FCHSD2: variants seen among roughly 807,000 people sequenced by gnomAD.
FCHSD2 encodes the protein F-BAR and double SH3 domains protein 2.
FCHSD2 carries 38 observed loss-of-function variants against 108.1 expected under a neutral mutation model. That is an observed-to-expected ratio of 0.35 (90% confidence interval 0.27 to 0.46). The LOEUF is 0.46. Ranked by LOEUF, FCHSD2 falls within the 20% of genes least tolerant of loss-of-function variation. FCHSD2 has a pLI of 1.00. For synonymous variants in FCHSD2, 279 were observed against 314.7 expected (o/e 0.89, Z 1.20); for missense variants, 751 against 897.8 (o/e 0.84, Z 2.09).
chr11:73,015,456 A>G (rs1857950178), intron 4 of FCHSD2, among the ~76,000 whole-genome samples: 1 of 152,136 alleles, frequency 6.6e-6, no homozygotes, highest in East Asian at 1.9e-4. Flanking sequence ...AACATATACA[A>G]TCTTGTTTCA....
At chr11:73,068,121 C>T (rs558744636) in intron 3 of FCHSD2, among the ~76,000 whole-genome samples, 13 of 152,166 alleles carry the variant, frequency 8.5e-5, no homozygotes, top group African/African-American at 3.1e-4. Context: ...CCAGGTCCCT[C>T]GCACAACACA....
chr11:72,988,894 G>T, intron 6 of FCHSD2, 70 bp downstream of exon 6: 1 of 1,367,180 alleles, frequency 7.3e-7, no homozygotes, highest in South Asian at 1.4e-5. Flanking sequence ...ACTACTAATA[G>T]AGAACAAACT....
At chr11:72,865,398 G>C (rs1854698952) in intron 13 of FCHSD2, among the ~76,000 whole-genome samples, 1 of 152,132 alleles carries the variant, frequency 6.6e-6, no homozygotes, top group African/African-American at 2.4e-5. Flanking sequence ...TCTCTCAGTT[G>C]AAAGATGCAG....
chr11:72,972,476 G>C (rs1857025510), intron 8 of FCHSD2, among the ~76,000 whole-genome samples: 2 of 152,150 alleles, frequency 1.3e-5, no homozygotes, highest in African/African-American at 4.8e-5. Flanking sequence ...CAGGTATAGG[G>C]AGTGGGGAAA....
intron 3 of FCHSD2, among the ~76,000 whole-genome samples, chr11:73,024,214 T>C (rs1403377888): frequency 1.3e-5 from 2 of 152,126 alleles, no homozygotes; most frequent in Non-Finnish European, 2.9e-5. Context: ...ATGCAGACTG[T>C]GACAAATCCA....
intron 1 of FCHSD2, among the ~76,000 whole-genome samples, 179 bp downstream of exon 1, chr11:73,141,678 G>A (rs1861251973): frequency 6.6e-6 from 1 of 152,200 alleles, no homozygotes; most frequent in Non-Finnish European, 1.5e-5. Flanking sequence ...CGGCCCCTCT[G>A]TCGGAAAGGC....
At chr11:73,081,313 A>C (rs1383979117) in intron 3 of FCHSD2, among the ~76,000 whole-genome samples, 1 of 152,102 alleles carries the variant, frequency 6.6e-6, no homozygotes, top group Non-Finnish European at 1.5e-5. Flanking sequence ...ACGCACCTGT[A>C]GTCCCAGCTA....
Position 72,888,668 on chromosome 11 carries a change from G to C in FCHSD2, c.1042-1094C>G, listed in dbSNP as rs1358050825. Among the ~76,000 whole-genome samples the C allele has an allele frequency of 2.7e-5, 4 of 150,774 alleles. No homozygotes were observed. In the East Asian group the frequency reaches 7.8e-4, roughly 29 times the overall value. ...GGGTCTTTCTCTGTCACCCAGTCTG[G>C]AGTTCAGAGGCATGATCTTACCTCA... On this transcript the variant is annotated intron_variant, in intron 11 of 19. Transcript: ENST00000409418.
At chr11:73,058,371 T>C (rs887320241) in intron 3 of FCHSD2, among the ~76,000 whole-genome samples, 1 of 152,130 alleles carries the variant, frequency 6.6e-6, no homozygotes, top group African/African-American at 2.4e-5. Flanking sequence ...TGTAACATAC[T>C]CAGTGTGACA....
chr11:73,057,767 C>G (rs1276879445), intron 3 of FCHSD2, among the ~76,000 whole-genome samples: 1 of 152,114 alleles, frequency 6.6e-6, no homozygotes, highest in Non-Finnish European at 1.5e-5. Context: ...TCAGAGCTTC[C>G]CAAACAATGT....
chr11:72,851,462 C>T (rs1050372243), intron 13 of FCHSD2, among the ~76,000 whole-genome samples: 8 of 151,982 alleles, frequency 5.3e-5, no homozygotes, highest in South Asian at 2.1e-4. Context: ...GGTTGCCGGC[C>T]GGGTGAGGTG....
intron 8 of FCHSD2, among the ~76,000 whole-genome samples, chr11:72,943,861 A>G (rs983051709): frequency 2.6e-5 from 4 of 152,246 alleles, no homozygotes; most frequent in Non-Finnish European, 5.9e-5. Context: ...ATGTTCAAAT[A>G]TTGTAAACTA....
chr11:72,987,457 T>C lies in FCHSD2; in HGVS notation c.521+1507A>G, dbSNP rs190267731. On this transcript the variant is annotated intron_variant, in intron 6 of 19. Coordinates refer to ENST00000409418, the MANE Select transcript of FCHSD2 (RefSeq NM_014824.3). ...TTCTAATTCTAGGCCTTAAATTCCT[T>C]GAGGGCACAAAGCTTACCTTACTCA... is the stretch of plus-strand genomic sequence containing the variant. Among the ~76,000 whole-genome samples, 597 of 152,338 alleles carry C rather than the reference T, an allele frequency of 3.9e-3. 2 individuals are homozygous for C. Among genetic ancestry groups the C allele is most frequent in the Non-Finnish European group, 5.8e-3 (396 of 68,024 alleles).
chr11:72,858,820 C>G (rs1861495390), intron 13 of FCHSD2, among the ~76,000 whole-genome samples: 1 of 152,110 alleles, frequency 6.6e-6, no homozygotes, highest in African/African-American at 2.4e-5. Context: ...ATTTGTGCTT[C>G]CAGGCAAGAT....
chr11:73,005,587 C>T (rs763996838), intron 4 of FCHSD2, among the ~76,000 whole-genome samples: 2 of 152,174 alleles, frequency 1.3e-5, no homozygotes, highest in Non-Finnish European at 2.9e-5. Context: ...CAGGCTTCTT[C>T]TCTTCTCTAA....
intron 2 of FCHSD2, among the ~76,000 whole-genome samples, chr11:73,117,231 AT>A (rs1215535260): frequency 6.6e-6 from 1 of 152,182 alleles, no homozygotes; most frequent in Non-Finnish European, 1.5e-5. Flanking sequence ...TATTATCTTC[AT>A]TTTGTAGATA....
chr11:72,872,530 T>C (rs1854883867), intron 12 of FCHSD2, among the ~76,000 whole-genome samples: 1 of 152,166 alleles, frequency 6.6e-6, no homozygotes, highest in South Asian at 2.1e-4. Flanking sequence ...ATTTAACACA[T>C]ATGAAACAAT....
chr11:73,072,718 A>C (rs1393660068), intron 3 of FCHSD2, among the ~76,000 whole-genome samples: 7 of 152,078 alleles, frequency 4.6e-5, no homozygotes, highest in Admixed American at 4.6e-4. Context: ...AAATATATTC[A>C]CCATTAATCT....
rs754057302 is a variant in FCHSD2, at chr11:72,989,106, T to C, written c.388-9A>G. On this transcript the variant is annotated splice_polypyrimidine_tract_variant and intron_variant, in intron 5 of 19. Transcript: ENST00000409418. The stretch of plus-strand genomic sequence containing the variant: ...GTCAACTGGTCCACACACTGTAAAA[T>C]ACAAAAGTACAATCATTATGATTTT... 4 of 1,596,290 alleles carry C rather than the reference T, an allele frequency of 2.5e-6. No individual in the cohort carries two copies. In the South Asian group the frequency reaches 4.5e-5, roughly 18 times the overall value.
Sources: allele counts gnomAD v4.1 joint callset (sites outside exome capture counted in the v4.1 genomes callset), GRCh38; gene constraint gnomAD v4.1.1; transcripts MANE v1.5; gene names NCBI Gene and HGNC (gene_info 2026-07-23, HGNC 2026-07-21).